NRBP1: variants seen among roughly 807,000 people sequenced by gnomAD.
NRBP1 encodes the protein nuclear receptor-binding protein.
NRBP1 carries 10 observed loss-of-function variants against 76.0 expected under a neutral mutation model. That is an observed-to-expected ratio of 0.13 (90% CI 0.08 to 0.22). The LOEUF is 0.22. Ranked by LOEUF, NRBP1 falls within the 10% of genes least tolerant of loss-of-function variation. The pLI is 1.00. For missense variants in NRBP1, 344 were observed against 646.0 expected (o/e 0.53, Z 5.07); for synonymous variants, 235 against 240.2 (o/e 0.98, Z 0.20).
At chr2:27,436,202 T>C in intron 7 of NRBP1, 1 of 227,182 alleles carries the variant, frequency 4.4e-6, no homozygotes, top group Non-Finnish European at 8.8e-6. Context: ...AATTCTGAGC[T>C]GTTTTGAGTT....
chr2:27,434,510 A>C lies in NRBP1; in HGVS notation c.475A>C (p.Lys159Gln), dbSNP rs1288457589. Residue 159 changes from lysine (K) to glutamine (Q), a missense_variant, in exon 5 of 18, where the codon AAG (lysine) becomes CAG (glutamine). Physicochemically the swap from Lys to Gln is moderately conservative, Grantham distance 53. Coordinates refer to ENST00000379852, the MANE Select transcript of NRBP1 (RefSeq NM_013392.4). Reference protein sequence around the residue: ...ITEYMSSGSLKQFLKKTKKNH... With the variant: ...ITEYMSSGSLQQFLKKTKKNH... ...AGAATACATGTCATCTGGGAGTCTG[A>C]AGCAATTTCTGAAGAAGACCAAAAA... is the stretch of plus-strand genomic sequence containing the variant. 6.2e-7 allele frequency: 1 copy of C among 1,614,168 alleles called. No homozygotes were observed. The highest frequency in any genetic ancestry group is 8.5e-7 in the Non-Finnish European group (1 of 1,179,992).
At position 27,440,850 on chromosome 2, in the gene NRBP1, G is replaced by A. The variant is rs774546607; in HGVS notation, c.1239G>A (p.Gln413=). ...PLTAFGLPRP[Q]QPQQEEVTSP... Reference sequence around the variant, plus strand: ...CAGCCTTTGGGCTGCCTCGGCCCCAGCAGCCACAGCAGGAGGAGGTGACAT... The same window carrying A: ...CAGCCTTTGGGCTGCCTCGGCCCCAACAGCCACAGCAGGAGGAGGTGACAT... Residue 413 remains glutamine, a synonymous_variant, in exon 14 of 18, where the codon CAG becomes CAA. Transcript: ENST00000379852. 15 of 1,613,934 alleles carry A rather than the reference G, an allele frequency of 9.3e-6. No individual in the cohort carries two copies. Among genetic ancestry groups the A allele is most frequent in the East Asian group, 6.7e-5 (3 of 44,884 alleles).
At chr2:27,433,072 T>TA (rs2148446302) in intron 1 of NRBP1, among the ~76,000 whole-genome samples, 182 bp from the exon 2 acceptor site, 1 of 152,220 alleles carries the variant, frequency 6.6e-6, no homozygotes, top group South Asian at 2.1e-4. Flanking sequence ...AGAGATGGGG[T>TA]TTCACCATGT....
chr2:27,433,902 C>T (rs1199061321), intron 3 of NRBP1, 87 bp from the exon 4 acceptor site: 11 of 1,598,150 alleles, frequency 6.9e-6, no homozygotes, highest in Middle Eastern at 1.7e-4. Flanking sequence ...GGGGTTAGAT[C>T]GTTTCTGGGG....
At chr2:27,432,690 A>G (rs530252047) in intron 1 of NRBP1, among the ~76,000 whole-genome samples, 96 of 151,982 alleles carry the variant, frequency 6.3e-4, no homozygotes, top group Middle Eastern at 3.4e-3. Context: ...TGATTCTCCC[A>G]TCAGCCTCTC....
Position 27,436,761 on chromosome 2 carries a change from G to A in NRBP1, c.670G>A (p.Asp224Asn). 1 of 1,613,852 alleles carries A rather than the reference G, an allele frequency of 6.2e-7. No homozygotes were observed. The highest frequency in any genetic ancestry group is 1.3e-5 in the African/African-American group (1 of 75,016). The part of the protein sequence containing the change: ...GLIKIGSVAP[D>N]TINNHVKTCR... ...GTCTCCCCTACTCCCAGTGGCTCCT[G>A]ACACTATCAACAATCATGTGAAGAC... The change falls in exon 8 of 18, where the codon GAC becomes AAC. Residue 224 changes from aspartate (D) to asparagine (N), a missense_variant. Transcript: ENST00000379852.
At chr2:27,428,419 G>C (rs1453905416), upstream of NRBP1, 7 of 378,494 alleles carry the variant, frequency 1.8e-5, no homozygotes, top group African/African-American at 4.2e-5. Context: ...GGTGGACAGA[G>C]AGACGAGCCC....
intron 10 of NRBP1, among the ~76,000 whole-genome samples, chr2:27,439,205 G>A (rs181663382): frequency 6.6e-6 from 1 of 152,076 alleles, no homozygotes; most frequent in East Asian, 1.9e-4. Context: ...AGAAAGTGTG[G>A]GGCCGGGCGC....
At chr2:27,437,195 G>A (rs1664340781) in intron 9 of NRBP1, 67 bp from the exon 10 acceptor site, 13 of 1,573,166 alleles carry the variant, frequency 8.3e-6, no homozygotes, top group Admixed American at 1.7e-5. Flanking sequence ...CTGGCTTGGA[G>A]GGAGTGATTG....
chr2:27,439,991 GATTCTTTTTTTTTTTT>G, intron 11 of NRBP1, 93 bp downstream of exon 11: 12 of 356,800 alleles, frequency 3.4e-5, no homozygotes, highest in Non-Finnish European at 4.0e-5. Flanking sequence ...TTTCCAAAGG[GATTCTTTTTTTTTTTT>G]TTTTTTTTTT....
upstream of NRBP1, chr2:27,428,497 G>C (rs1175236110): frequency 7.6e-6 from 3 of 394,788 alleles, no homozygotes; most frequent in Admixed American, 4.4e-5. Flanking sequence ...GGAGGAGAGC[G>C]GGTGGAAGCC....
chr2:27,438,021 T>C (rs555533363), intron 10 of NRBP1, among the ~76,000 whole-genome samples: 4 of 151,754 alleles, frequency 2.6e-5, no homozygotes, highest in East Asian at 1.9e-4. Context: ...ACCCTGTCTC[T>C]ACTAAAAATA....
intron 10 of NRBP1, among the ~76,000 whole-genome samples, chr2:27,437,714 A>G (rs1664364122): frequency 6.6e-6 from 1 of 151,858 alleles, no homozygotes; most frequent in African/African-American, 2.4e-5. Context: ...TACTAAAAAT[A>G]CAAAAAAAAT....
intron 16 of NRBP1, 31 bp from the exon 17 acceptor site, chr2:27,441,536 C>T (rs758912708): frequency 1.2e-5 from 19 of 1,612,992 alleles, no homozygotes; most frequent in Non-Finnish European, 1.5e-5. Flanking sequence ...CAGTCCCGTA[C>T]TGTACTCACC....
chr2:27,439,731 A>C (rs1272343035), intron 10 of NRBP1, 35 bp from the exon 11 acceptor site: 2 of 1,612,828 alleles, frequency 1.2e-6, no homozygotes. Flanking sequence ...GGGGCTTGCC[A>C]GATGCCTGCT....
Position 27,441,180 on chromosome 2 carries a change from C to T in NRBP1, c.1383C>T (p.His461=), listed in dbSNP as rs138754846. 50 of 1,613,872 alleles carry T rather than the reference C, an allele frequency of 3.1e-5. No homozygotes were observed. Among genetic ancestry groups the T allele is most frequent in the Non-Finnish European group, 3.8e-5 (45 of 1,179,972 alleles). Residue 461 remains histidine, a splice_region_variant and synonymous_variant, in exon 15 of 18, where the codon CAC becomes CAT. Transcript: ENST00000379852. Reference sequence around the variant, plus strand: ...CGGTGGAGGAGGGAGTCAAACACCACGTAAGGCTCAGGGCTAGGGTTGCGC... The same window carrying T: ...CGGTGGAGGAGGGAGTCAAACACCATGTAAGGCTCAGGGCTAGGGTTGCGC... ...IESVEEGVKH[H]LTLLLKLEDK... is the part of the protein sequence containing the mutation.
Position 27,441,302 on chromosome 2 carries a change from C to A in NRBP1, c.1419C>A (p.Asn473Lys). The change falls in exon 16 of 18, where the codon AAC becomes AAA. Residue 473 changes from asparagine (N) to lysine (K), a missense_variant. By Grantham distance (94) the Asn-to-Lys change is moderately conservative (BLOSUM62 0). Around this residue, in one of 3 missense-constraint regions of NRBP1, gnomAD observed 218 missense variants for 309.8 expected, o/e 0.70. Coordinates refer to ENST00000379852, the MANE Select transcript of NRBP1 (RefSeq NM_013392.4). ...TLLLKLEDKLNRHLSCDLMPN... is the reference protein window; with the variant it reads ...TLLLKLEDKLKRHLSCDLMPN... The stretch of plus-strand genomic sequence containing the variant: ...TGCTGAAGTTGGAGGACAAACTGAA[C>A]CGGCACCTGAGCTGTGACCTGATGC... 3 of 1,614,130 alleles carry A rather than the reference C, an allele frequency of 1.9e-6. No homozygotes were observed. Among genetic ancestry groups the A allele is most frequent in the Non-Finnish European group, 2.5e-6 (3 of 1,180,010 alleles).
chr2:27,439,633 T>C, intron 10 of NRBP1, 133 bp from the exon 11 acceptor site: 1 of 911,346 alleles, frequency 1.1e-6, no homozygotes, highest in Non-Finnish European at 1.6e-6. Flanking sequence ...CATTTTTCAA[T>C]ATATTGTTTT....
intron 2 of NRBP1, 36 bp from the exon 3 acceptor site, chr2:27,433,637 T>A (rs1178677148): frequency 3.7e-6 from 6 of 1,613,250 alleles, no homozygotes; most frequent in Admixed American, 1.7e-5. Flanking sequence ...ATTTGTGAGA[T>A]AAGTTTAATT....
Sources: allele counts gnomAD v4.1 joint callset (sites outside exome capture counted in the v4.1 genomes callset), GRCh38; gene constraint gnomAD v4.1.1; regional missense constraint gnomAD v4.1.1; transcripts MANE v1.5; gene names NCBI Gene and HGNC (gene_info 2026-07-23, HGNC 2026-07-21).